Variants in FBN3 observed in about 807,000 individuals in gnomAD.
FBN3 encodes fibrillin 3.
FBN3 carries 234 observed loss-of-function variants against 330.1 expected under a neutral mutation model. The ratio of observed to expected loss-of-function variants is 0.71; its 90% CI spans 0.64 to 0.79. The LOEUF (loss-of-function observed/expected upper bound fraction) is 0.79. Ranked by LOEUF, FBN3 falls within the 30% of genes least tolerant of loss-of-function variation. The pLI is 0.00. For synonymous variants in FBN3, 1,458 were observed against 1,517.3 expected (o/e 0.96, Z 0.91); for missense variants, 3,606 against 3,886.9 (o/e 0.93, Z 1.92).
In FBN3 at chr19:8,121,328, C is replaced by A. The variant is rs114688628; in HGVS notation, c.3141G>T (p.Thr1047=). The change falls in exon 25 of 64, where the codon ACG becomes ACT. Residue 1047 remains threonine, a synonymous_variant. Transcript: ENST00000600128. The surrounding 1 kb of genome is among the most constrained non-coding windows in gnomAD (Gnocchi z 4.5). ...DLCGQGTCVN[T]PGSFECECFP... is the part of the protein sequence containing the mutation. The stretch of plus-strand genomic sequence containing the variant: ...AACACTCGCACTCAAAGCTGCCCGG[C>A]GTGTTGACACAGGTGCCCTGGCCGC... 6.2e-7 allele frequency: 1 copy of A among 1,613,292 alleles called. No individual in the cohort carries two copies. Among genetic ancestry groups the A allele is most frequent in the South Asian group, 1.1e-5 (1 of 90,954 alleles).
Position 8,065,851 on chromosome 19 carries a change from G to T in FBN3, c.*68C>A. 1 of 1,283,688 alleles carries T rather than the reference G, an allele frequency of 7.8e-7. No homozygotes were observed. The highest frequency in any genetic ancestry group is 1.1e-6 in the Non-Finnish European group (1 of 923,818). 79.5% of individuals were successfully genotyped at this position (1,283,688 alleles called of 1,614,324 possible). On this transcript the variant is annotated 3_prime_UTR_variant, in exon 64 of 64. Coordinates refer to ENST00000600128, the MANE Select transcript of FBN3 (RefSeq NM_032447.5). ...AATCTGGTCAGCCATCGCTTCTGGG[G>T]ATCAGTCCTTCCCAGTTCCAGAATC... is the stretch of plus-strand genomic sequence containing the variant.
At position 8,073,080 on chromosome 19, in the gene FBN3, G is replaced by A; in HGVS notation, c.7920C>T (p.Tyr2640=). The change falls in exon 62 of 64, where the codon TAC becomes TAT. Residue 2640 remains tyrosine (Y), a synonymous_variant. Transcript: ENST00000600128. ...CCTCTCACCCTTGCCCAGCCCGGAA[G>A]TAGCCTTGAGGACAGCCGCACAGGA... The part of the protein sequence containing the change: ...GGFLCGCPQG[Y]FRAGQGHCVS... 1 of 1,610,286 alleles carries A rather than the reference G, an allele frequency of 6.2e-7. No homozygotes were observed. The highest frequency in any genetic ancestry group is 2.2e-5 in the East Asian group (1 of 44,752).
rs111685748 is a variant in FBN3, at chr19:8,096,214, G to C, written c.5540-134C>G. 12 of 865,642 alleles carry C rather than the reference G, an allele frequency of 1.4e-5. No individual in the cohort carries two copies. The highest frequency in any genetic ancestry group is 2.1e-5 in the Non-Finnish European group (11 of 527,196). 53.6% of individuals were successfully genotyped at this position (865,642 alleles called of 1,614,324 possible). On this transcript the variant is annotated intron_variant, in intron 44 of 63. Coordinates refer to ENST00000600128, the MANE Select transcript of FBN3 (RefSeq NM_032447.5). This position sits in a 1 kb window ranked among gnomAD's most constrained non-coding sequence, Gnocchi z 4.6. ...CTAGATGACTGGGCAGTGACCCCTG[G>C]CGGTGATGGCTGGGAAGTACTCCTG...
chr19:8,137,040 G>T lies in FBN3; in HGVS notation c.1202-509C>A, dbSNP rs578005256. On this transcript the variant is annotated intron_variant, in intron 10 of 63. Coordinates refer to ENST00000600128, the MANE Select transcript of FBN3 (RefSeq NM_032447.5). ...CTAGATCCCTCCAAACTGGCACCTC[G>T]ATCCCTTCAACCTGGGACCTGGATC... Among the ~76,000 whole-genome samples the T allele has an allele frequency of 3.3e-5, 5 of 149,338 alleles. No homozygotes were observed. In the South Asian group the frequency reaches 1.1e-3, roughly 32 times the overall value.
chr19:8,085,297 A>C, intron 56 of FBN3, 66 bp downstream of exon 56: 1 of 1,375,358 alleles, frequency 7.3e-7, no homozygotes, highest in Non-Finnish European at 1.0e-6. Flanking sequence ...CAGTACAGAC[A>C]CATGACCCTG....
In FBN3 at chr19:8,073,269, G is replaced by GT. The variant is rs1174096355; in HGVS notation, c.7730_7731insA (p.Thr2578HisfsTer23). Reference sequence around the variant, plus strand: ...TGCGACAGGAGGCGCTCCCGCAGGTGGGGGGCGACAGGGCACACTCATTCT... The same window carrying GT: ...TGCGACAGGAGGCGCTCCCGCAGGTGTGGGGGCGACAGGGCACACTCATTCT... On this transcript the variant is annotated frameshift_variant, in exon 62 of 64. Coordinates refer to ENST00000600128, the MANE Select transcript of FBN3 (RefSeq NM_032447.5). LOFTEE classifies it high-confidence loss of function. The GT allele has an allele frequency of 3.1e-6, 5 of 1,613,750 alleles. No individual in the cohort carries two copies. The highest frequency in any genetic ancestry group is 4.2e-6 in the Non-Finnish European group (5 of 1,179,906).
At chr19:8,081,607 T>C in intron 57 of FBN3, 127 bp from the exon 58 acceptor site, 2 of 1,117,252 alleles carry the variant, frequency 1.8e-6, no homozygotes, top group Non-Finnish European at 2.5e-6. Context: ...AATGAACACT[T>C]CTTTCTGCAA....
Position 8,138,658 on chromosome 19 carries a change from G to A in FBN3, c.866-94C>T, listed in dbSNP as rs536311658. 2.9e-5 allele frequency: 38 copies of A among 1,326,908 alleles called. 1 individual carries two copies. In the South Asian group the frequency reaches 3.7e-4, roughly 13 times the overall value. 82.2% of individuals were successfully genotyped at this position (1,326,908 alleles called of 1,614,324 possible). A position where few individuals can be genotyped will look rare whatever the true frequency, so the allele number is the denominator to read the frequency against. On this transcript the variant is annotated intron_variant, in intron 8 of 63. Coordinates refer to ENST00000600128, the MANE Select transcript of FBN3 (RefSeq NM_032447.5). The stretch of plus-strand genomic sequence containing the variant: ...GCTGTAGCAGCACTGCCTGTAGGAC[G>A]GGTCTGTTTGCCGCTCTGTGCCTCA...
At chr19:8,099,572 G>A (rs925723681) in intron 41 of FBN3, among the ~76,000 whole-genome samples, 15 of 151,578 alleles carry the variant, frequency 9.9e-5, no homozygotes, top group African/African-American at 2.9e-4. Context: ...GAGCCACCAC[G>A]CCCGGCCGCC....
chr19:8,089,596 A>AGC lies in FBN3; in HGVS notation c.6323_6324dup (p.Cys2109AlafsTer54). ...AGGCTGTAGCCAAAGGGACACTCAC[A>AGC]GCGGAAGGATCCATCGGTGTTGACA... is the stretch of plus-strand genomic sequence containing the variant. On this transcript the variant is annotated frameshift_variant, in exon 51 of 64. Transcript: ENST00000600128. LOFTEE classifies it high-confidence loss of function. 6.2e-7 allele frequency: 1 copy of AGC among 1,614,238 alleles called. No individual in the cohort carries two copies. The highest frequency in any genetic ancestry group is 8.5e-7 in the Non-Finnish European group (1 of 1,180,032).
At chr19:8,130,636 G>GGAAAGGAAAAGA (rs1376693005) in intron 16 of FBN3, among the ~76,000 whole-genome samples, 1 of 3,314 alleles carries the variant, frequency 3.0e-4, no homozygotes, top group Admixed American at 1.1e-3. Flanking sequence ...AAGAAAGAAA[G>GGAAAGGAAAAGA]AAAGAAAGGA....
At chr19:8,137,734 T>C (rs535027313) in intron 10 of FBN3, among the ~76,000 whole-genome samples, 3 of 152,146 alleles carry the variant, frequency 2.0e-5, no homozygotes, top group Non-Finnish European at 4.4e-5. Flanking sequence ...GCTCCAGCAA[T>C]CCTCCTGCCT....
At chr19:8,085,599 C>T in intron 55 of FBN3, 30 bp from the exon 56 acceptor site, 1 of 1,499,264 alleles carries the variant, frequency 6.7e-7, no homozygotes, top group South Asian at 1.3e-5. Context: ...AGACAACGGT[C>T]ACTCCAGGAG....
chr19:8,136,600 A>G, intron 10 of FBN3, 69 bp from the exon 11 acceptor site: 2 of 1,593,520 alleles, frequency 1.3e-6, no homozygotes, highest in South Asian at 1.1e-5. Flanking sequence ...CCTGGGCTTC[A>G]CCTCTCTAGG....
chr19:8,081,940 C>A (rs1314108989), intron 57 of FBN3, among the ~76,000 whole-genome samples: 1 of 145,842 alleles, frequency 6.9e-6, no homozygotes, highest in Admixed American at 6.8e-5. Context: ...AGGATCCTCC[C>A]TCCCTCCCTC....
Position 8,073,308 on chromosome 19 carries a change from AAAG to A in FBN3, c.7703-14_7703-12del. 6.2e-7 allele frequency: 1 copy of A among 1,608,574 alleles called. No individual in the cohort carries two copies. The highest frequency in any genetic ancestry group is 8.5e-7 in the Non-Finnish European group (1 of 1,176,000). ...CACACTCATTCTCATCTGTGGGAGG[AAAG>A]GAGGAGGAGAGGGAGGACGCAGAGG... is the stretch of plus-strand genomic sequence containing the variant. On this transcript the variant is annotated splice_polypyrimidine_tract_variant and intron_variant, in intron 61 of 63. Coordinates refer to ENST00000600128, the MANE Select transcript of FBN3 (RefSeq NM_032447.5).
intron 59 of FBN3, 90 bp downstream of exon 59, chr19:8,080,913 C>T (rs376379047): frequency 1.5e-5 from 14 of 930,724 alleles, no homozygotes; most frequent in East Asian, 2.5e-5. Context: ...TGAGCCATTG[C>T]GCCTGGCCAA....
rs773125566 is a variant in FBN3 at position 8,147,199 on chromosome 19, C to T, written c.168-13G>A. ...GCACACATTCGGCCTTCGGGGACAG[C>T]GAGATGGGTCTGGTGAGCCCCTGCC... On this transcript the variant is annotated splice_polypyrimidine_tract_variant and intron_variant, in intron 2 of 63. Coordinates refer to ENST00000600128, the MANE Select transcript of FBN3 (RefSeq NM_032447.5). The T allele has an allele frequency of 7.7e-6, 12 of 1,562,488 alleles. No homozygotes were observed. The Admixed American group carries it at 9.6e-5, about 13-fold the overall frequency.
Position 8,096,941 on chromosome 19 carries a change from C to A in FBN3, c.5353G>T (p.Gly1785Cys). The change falls in exon 43 of 64, where the codon GGT becomes TGT. Residue 1785 changes from glycine (G) to cysteine (C), a missense_variant. Transcript: ENST00000600128. This position sits in a 1 kb window ranked among gnomAD's most constrained non-coding sequence, Gnocchi z 4.6. ...QQNADCINIP[G>C]SYRCKCTRGY... is the part of the protein sequence containing the mutation. Reference sequence around the variant, plus strand: ...CGGGTGCACTTGCAGCGGTAGCTACCGGGGATGTTGATGCAGTCAGCATTC... The same window carrying A: ...CGGGTGCACTTGCAGCGGTAGCTACAGGGGATGTTGATGCAGTCAGCATTC... 6.2e-7 allele frequency: 1 copy of A among 1,613,792 alleles called. No individual in the cohort carries two copies.
Sources: allele counts gnomAD v4.1 joint callset (sites outside exome capture counted in the v4.1 genomes callset), GRCh38; gene constraint gnomAD v4.1.1; non-coding constraint Gnocchi (gnomAD v3.1); transcripts MANE v1.5; gene names NCBI Gene and HGNC (gene_info 2026-07-23, HGNC 2026-07-21).